CSMD3: variants seen among roughly 807,000 people sequenced by gnomAD.
CSMD3 encodes CUB and Sushi multiple domains 3.
In CSMD3, 177 loss-of-function variants were observed where a neutral mutation model predicts 435.2. The ratio of observed to expected loss-of-function variants is 0.41; its 90% confidence interval spans 0.36 to 0.46. The LOEUF is 0.46. CSMD3 is among the 20% of genes least tolerant of loss of function. CSMD3 has a pLI of 0.34. For missense variants in CSMD3, 4,265 were observed against 4,504.6 expected (o/e 0.95, Z 1.52); for synonymous variants, 1,656 against 1,520.5 (o/e 1.09, Z -2.07).
At chr8:112,638,986 T>C in intron 20 of CSMD3, 75 bp from the exon 21 acceptor site, 2 of 999,738 alleles carry the variant, frequency 2.0e-6, no homozygotes, top group South Asian at 2.7e-5. Flanking sequence ...AAACTAACTA[T>C]TAGCCAGGAC....
At chr8:112,391,027 TAACTC>T (rs150093406) in intron 35 of CSMD3, among the ~76,000 whole-genome samples, 31,229 of 152,010 alleles carry the variant, frequency 0.21, 3,884 homozygotes, top group East Asian at 0.41. Flanking sequence ...ACACTACAAT[TAACTC>T]AATAACAGCA....
intron 27 of CSMD3, among the ~76,000 whole-genome samples, chr8:112,517,920 T>G (rs567224801): frequency 6.6e-6 from 1 of 152,106 alleles, no homozygotes; most frequent in Non-Finnish European, 1.5e-5. Flanking sequence ...TGAACATTTA[T>G]CCAAAAGAAA....
intron 53 of CSMD3, among the ~76,000 whole-genome samples, chr8:112,299,346 C>T (rs887745065): frequency 6.6e-6 from 1 of 152,058 alleles, no homozygotes; most frequent in Non-Finnish European, 1.5e-5. Flanking sequence ...TACTTCACTA[C>T]ATACAAATTT....
chr8:112,928,559 T>C (rs2082988776), intron 9 of CSMD3, among the ~76,000 whole-genome samples: 1 of 151,812 alleles, frequency 6.6e-6, no homozygotes, highest in African/African-American at 2.4e-5. Flanking sequence ...GTTCTTGCGA[T>C]AGTTTACTGA....
chr8:112,822,379 G>T (rs1018917393), intron 12 of CSMD3, among the ~76,000 whole-genome samples: 2 of 151,984 alleles, frequency 1.3e-5, no homozygotes, highest in African/African-American at 4.8e-5. Context: ...TCCCTTGTAA[G>T]TTGTATTCCT....
chr8:112,521,060 TCTC>T (rs1223758169), intron 27 of CSMD3, among the ~76,000 whole-genome samples: 1 of 151,988 alleles, frequency 6.6e-6, no homozygotes, highest in African/African-American at 2.4e-5. Context: ...ATGTTCTTCA[TCTC>T]CTCTGCATCA....
Position 112,517,170 on chromosome 8 carries a change from A to G in CSMD3, c.4620T>C (p.Asn1540=), listed in dbSNP as rs138643966. Residue 1540 remains asparagine, a synonymous_variant, in exon 28 of 71, where the codon AAT becomes AAC. Transcript: ENST00000297405. ...DPGVPMNGTR[N]GDGREPGDTV... is the part of the protein sequence containing the mutation. ...TGTCCCCAGGTTCTCTTCCATCCCC[A>G]TTTCGAGTCCCATTCATGGGGACCC... The G allele has an allele frequency of 3.8e-5, 62 of 1,613,740 alleles. No individual in the cohort carries two copies. The African/African-American group carries it at 8.0e-4, about 21-fold the overall frequency.
intron 9 of CSMD3, among the ~76,000 whole-genome samples, chr8:112,937,631 A>G (rs371177768): frequency 6.6e-6 from 1 of 152,110 alleles, no homozygotes; most frequent in East Asian, 1.9e-4. Context: ...GATTACAGGC[A>G]TGAGTTACTG....
At chr8:113,153,679 A>G (rs112293322) in intron 4 of CSMD3, among the ~76,000 whole-genome samples, 14 of 152,204 alleles carry the variant, frequency 9.2e-5, no homozygotes, top group African/African-American at 3.1e-4. Context: ...TCACAGCTGC[A>G]TAAGTGTTCA....
intron 45 of CSMD3, among the ~76,000 whole-genome samples, chr8:112,332,626 G>C (rs192084429): frequency 1.8e-4 from 27 of 152,234 alleles, no homozygotes; most frequent in Admixed American, 1.6e-3. Context: ...CATGAACTCT[G>C]GCTATGCTCC....
intron 10 of CSMD3, 95 bp downstream of exon 10, chr8:112,921,532 T>G: frequency 9.6e-7 from 1 of 1,039,472 alleles, no homozygotes; most frequent in Non-Finnish European, 1.5e-6. Context: ...TTAAAGATTA[T>G]ATTACAATTC....
At chr8:113,124,245 G>C (rs888033540) in intron 4 of CSMD3, among the ~76,000 whole-genome samples, 9 of 151,958 alleles carry the variant, frequency 5.9e-5, no homozygotes, top group Non-Finnish European at 1.3e-4. Context: ...CATACTGCAA[G>C]GTCCTTCATG....
intron 1 of CSMD3, among the ~76,000 whole-genome samples, chr8:113,399,558 A>G (rs1053937253): frequency 6.6e-6 from 1 of 151,986 alleles, no homozygotes; most frequent in Non-Finnish European, 1.5e-5. Flanking sequence ...AAGATTATAT[A>G]TTTTATGTGT....
chr8:112,895,931 T>C (rs981414233), intron 10 of CSMD3, among the ~76,000 whole-genome samples: 1 of 151,492 alleles, frequency 6.6e-6, no homozygotes, highest in Middle Eastern at 3.2e-3. Flanking sequence ...GTTTGTTTGT[T>C]TGTTTTTTCC....
intron 1 of CSMD3, among the ~76,000 whole-genome samples, chr8:113,413,768 A>C (rs2094569783): frequency 6.6e-6 from 1 of 152,174 alleles, no homozygotes. Flanking sequence ...TTTTCCAGTG[A>C]AAAACTGGTA....
intron 22 of CSMD3, among the ~76,000 whole-genome samples, chr8:112,594,171 C>CAT (rs1563744738): frequency 9.4e-4 from 142 of 150,772 alleles, no homozygotes; most frequent in African/African-American, 3.3e-3. Flanking sequence ...GCACCGTGTG[C>CAT]GAGCCGAAGC....
At chr8:112,858,895 C>G (rs1228869572) in intron 11 of CSMD3, among the ~76,000 whole-genome samples, 1 of 151,860 alleles carries the variant, frequency 6.6e-6, no homozygotes, top group African/African-American at 2.4e-5. Flanking sequence ...AAAAATGTAT[C>G]TCAGAAAGCA....
At chr8:112,883,740 CAT>C (rs1237247072) in intron 10 of CSMD3, among the ~76,000 whole-genome samples, 1 of 151,860 alleles carries the variant, frequency 6.6e-6, no homozygotes, top group Admixed American at 6.6e-5. Flanking sequence ...CAGTTTTATA[CAT>C]GTTTTTTAAA....
At chr8:113,161,451 A>G (rs1439667121) in intron 4 of CSMD3, among the ~76,000 whole-genome samples, 1 of 152,098 alleles carries the variant, frequency 6.6e-6, no homozygotes, top group Non-Finnish European at 1.5e-5. Flanking sequence ...AAATAAGGTC[A>G]TTTTTGTGTT....
Sources: gnomAD v4.1 joint callset for allele counts (sites outside exome capture counted in the v4.1 genomes callset) on GRCh38, gnomAD v4.1.1 for gene constraint, MANE v1.5 for transcripts, NCBI Gene and HGNC (gene_info 2026-07-23, HGNC 2026-07-21) for gene names.